Variants in RANBP2 observed in about 807,000 individuals in gnomAD.
The protein encoded by RANBP2 is RAN binding protein 2.
RANBP2 carries 57 observed loss-of-function variants against 303.6 expected under a neutral mutation model. The observed-to-expected ratio is 0.19, with a 90% CI of 0.15 to 0.23. RANBP2 has a LOEUF of 0.23. Ranked by LOEUF, RANBP2 falls within the 10% of genes least tolerant of loss-of-function variation. The probability of loss-of-function intolerance (pLI) is 1.00; values close to 1 mark genes in which losing one functional copy is unlikely to be tolerated. For missense variants in RANBP2, 3,138 were observed against 3,780.8 expected, an observed-to-expected ratio of 0.83 and a Z score of 4.46; for synonymous variants, 1,167 against 1,301.5, an observed-to-expected ratio of 0.90 and a Z score of 2.23.
chr2:109,652,845 T>C, the RANBP2 span, among the ~76,000 whole-genome samples: 1 of 152,166 alleles, frequency 6.6e-6, no homozygotes, highest in Non-Finnish European at 1.5e-5. Context: ...GAGATTAGCA[T>C]TGATATATAT....
the RANBP2 span, chr2:109,371,551 G>T: frequency 6.3e-7 from 1 of 1,576,520 alleles, no homozygotes; most frequent in Non-Finnish European, 8.7e-7. Context: ...GTGTGTGTCC[G>T]TATGCTTGTG....
the RANBP2 span, among the ~76,000 whole-genome samples, chr2:109,551,893 A>T: frequency 6.6e-6 from 1 of 152,170 alleles, no homozygotes; most frequent in African/African-American, 2.4e-5. Flanking sequence ...AAGTTCAGTG[A>T]TTTTTTTGGT....
the RANBP2 span, among the ~76,000 whole-genome samples, chr2:109,427,855 C>T: frequency 0.11 from 15,999 of 152,264 alleles, 1,508 homozygotes; most frequent in African/African-American, 0.25. Flanking sequence ...AGGGAAGAGG[C>T]GAAGGCAGCA....
chr2:108,727,987 A>AG (rs1694865722), intron 1 of RANBP2, among the ~76,000 whole-genome samples: 2 of 152,196 alleles, frequency 1.3e-5, no homozygotes, highest in African/African-American at 4.8e-5. Flanking sequence ...GAAGAATTCA[A>AG]TATTTATTTC....
the RANBP2 span, among the ~76,000 whole-genome samples, chr2:109,134,556 G>A: frequency 1.3e-5 from 2 of 152,202 alleles, no homozygotes; most frequent in African/African-American, 2.4e-5. Flanking sequence ...GGGTTGAGCG[G>A]TGTTTTAAGT....
chr2:108,930,856 G>GGA, the RANBP2 span: 1 of 1,223,460 alleles, frequency 8.2e-7, no homozygotes, highest in Non-Finnish European at 1.2e-6. Flanking sequence ...ACCCTGTGGA[G>GGA]GAGGGACTAT....
the RANBP2 span, among the ~76,000 whole-genome samples, chr2:109,106,223 C>T: frequency 6.6e-6 from 1 of 152,128 alleles, no homozygotes; most frequent in Non-Finnish European, 1.5e-5. Flanking sequence ...ATTTCTCTCA[C>T]TCTGCCTTAT....
chr2:109,018,662 G>A, the RANBP2 span, among the ~76,000 whole-genome samples: 2 of 152,162 alleles, frequency 1.3e-5, no homozygotes, highest in African/African-American at 2.4e-5. Flanking sequence ...CCCTTAGCAC[G>A]TCCTTTCCCT....
chr2:108,796,111 C>T, the RANBP2 span, among the ~76,000 whole-genome samples: 3 of 152,116 alleles, frequency 2.0e-5, no homozygotes, highest in African/African-American at 4.8e-5. Flanking sequence ...TGCAGTGGCG[C>T]AATCTCGGCT....
the RANBP2 span, among the ~76,000 whole-genome samples, chr2:109,319,149 G>A: frequency 4.6e-5 from 7 of 152,176 alleles, no homozygotes; most frequent in African/African-American, 1.7e-4. Flanking sequence ...ATGGGGGCAT[G>A]GCTTAGTAAC....
At chr2:109,322,652 T>C in the RANBP2 span, among the ~76,000 whole-genome samples, 1 of 152,190 alleles carries the variant, frequency 6.6e-6, no homozygotes, top group Non-Finnish European at 1.5e-5. Context: ...CCAGCAGAAA[T>C]AACCTTTTAA....
the RANBP2 span, among the ~76,000 whole-genome samples, chr2:109,532,627 G>A: frequency 6.6e-6 from 1 of 152,152 alleles, no homozygotes; most frequent in African/African-American, 2.4e-5. Flanking sequence ...AAGCTGCCAT[G>A]TATGATGGGG....
the RANBP2 span, among the ~76,000 whole-genome samples, chr2:109,378,827 C>A: frequency 1.3e-5 from 2 of 152,216 alleles, no homozygotes; most frequent in African/African-American, 2.4e-5. Flanking sequence ...AGAGATTGCT[C>A]TGCCTTCTCC....
the RANBP2 span, among the ~76,000 whole-genome samples, chr2:109,720,448 G>A: frequency 1.6e-4 from 24 of 152,124 alleles, no homozygotes; most frequent in South Asian, 1.0e-3. Flanking sequence ...CTCCATCCCA[G>A]ACAAATTGAA....
chr2:109,180,326 TTC>T, the RANBP2 span, among the ~76,000 whole-genome samples: 1 of 152,154 alleles, frequency 6.6e-6, no homozygotes, highest in East Asian at 1.9e-4. Context: ...TGATGACTTT[TTC>T]TCTGTTTCCT....
the RANBP2 span, among the ~76,000 whole-genome samples, chr2:109,704,201 C>T: frequency 6.6e-6 from 1 of 152,152 alleles, no homozygotes; most frequent in Non-Finnish European, 1.5e-5. Flanking sequence ...GCTTTACCTG[C>T]TCCCTGTTTC....
At chr2:109,743,510 T>C in the RANBP2 span, among the ~76,000 whole-genome samples, 51 of 143,854 alleles carry the variant, frequency 3.5e-4, 1 homozygote, top group East Asian at 4.7e-3. Flanking sequence ...CTGTGAAAGA[T>C]ACTATTAAGA....
chr2:109,234,801 G>T, the RANBP2 span, among the ~76,000 whole-genome samples: 1 of 152,238 alleles, frequency 6.6e-6, no homozygotes, highest in East Asian at 1.9e-4. Flanking sequence ...GACTTCCTGG[G>T]GAAATTCAAC....
the RANBP2 span, among the ~76,000 whole-genome samples, chr2:109,517,452 G>A: frequency 1.3e-5 from 2 of 152,186 alleles, no homozygotes; most frequent in Non-Finnish European, 2.9e-5. Context: ...AAGGAAGGCC[G>A]GGTGAGTGAA....
Sources: gnomAD v4.1 joint callset for allele counts (sites outside exome capture counted in the v4.1 genomes callset) on GRCh38, gnomAD v4.1.1 for gene constraint, MANE v1.5 for transcripts, NCBI Gene and HGNC (gene_info 2026-07-23, HGNC 2026-07-21) for gene names.